The following LIAT1 variants were observed in gnomAD, a reference collection of about 807,000 sequenced individuals.
LIAT1 encodes protein LIAT1.
At chr17:412,139 GC>G in the LIAT1 span, among the ~76,000 whole-genome samples, 1 of 152,224 alleles carries the variant, frequency 6.6e-6, no homozygotes, top group Non-Finnish European at 1.5e-5. Flanking sequence ...TTCAAGACCA[GC>G]CTGGCCAACA....
At chr17:413,546 T>A in the LIAT1 span, 10 of 1,389,790 alleles carry the variant, frequency 7.2e-6, no homozygotes, top group Non-Finnish European at 9.6e-6. Context: ...CCTCAAGGGC[T>A]TCCACCCCGA....
the LIAT1 span, among the ~76,000 whole-genome samples, chr17:410,868 C>T: frequency 1.3e-5 from 2 of 152,146 alleles, no homozygotes; most frequent in African/African-American, 2.4e-5. Flanking sequence ...ACACAGAGAC[C>T]CCTACAGATA....
chr17:410,449 G>A, the LIAT1 span: 9 of 1,539,722 alleles, frequency 5.8e-6, no homozygotes, highest in South Asian at 1.2e-5. Flanking sequence ...CCCAGCGGGC[G>A]GCTGGACCGC....
the LIAT1 span, among the ~76,000 whole-genome samples, chr17:412,539 G>A: frequency 6.6e-6 from 1 of 151,930 alleles, no homozygotes; most frequent in Admixed American, 6.6e-5. Context: ...AGCATTTTAT[G>A]TGCATGTTAA....
chr17:414,155 C>G, the LIAT1 span: 3 of 1,587,524 alleles, frequency 1.9e-6, no homozygotes, highest in Non-Finnish European at 2.6e-6. The surrounding 1 kb of genome is among the most constrained non-coding windows in gnomAD (Gnocchi z 4.1). Context: ...AATTCCTCCT[C>G]ACCACAAGTT....
chr17:410,761 A>C, the LIAT1 span: 1 of 961,716 alleles, frequency 1.0e-6, no homozygotes, highest in Non-Finnish European at 1.5e-6. Context: ...TCCCGGACCG[A>C]GGTCCTCCTG....
chr17:410,964 C>T, the LIAT1 span, among the ~76,000 whole-genome samples: 1 of 152,162 alleles, frequency 6.6e-6, no homozygotes, highest in African/African-American at 2.4e-5. Context: ...CAGTCTTAAA[C>T]GTCTGCGCCT....
chr17:413,200 T>G, the LIAT1 span: 1 of 1,614,190 alleles, frequency 6.2e-7, no homozygotes, highest in Non-Finnish European at 8.5e-7. Flanking sequence ...CCTCCTTTCA[T>G]GACATCTTAA....
chr17:411,942 C>T, the LIAT1 span, among the ~76,000 whole-genome samples: 1 of 152,292 alleles, frequency 6.6e-6, no homozygotes, highest in South Asian at 2.1e-4. Context: ...GAGCTGGCAC[C>T]AAGGCAAGCA....
the LIAT1 span, chr17:413,374 T>G: frequency 6.2e-7 from 1 of 1,614,280 alleles, no homozygotes; most frequent in Non-Finnish European, 8.5e-7. Flanking sequence ...GAATTCTTGC[T>G]GACCCGGAGG....
the LIAT1 span, among the ~76,000 whole-genome samples, chr17:411,006 T>C: frequency 6.6e-6 from 1 of 152,010 alleles, no homozygotes; most frequent in Non-Finnish European, 1.5e-5. Context: ...CAAGACACTT[T>C]CCCCACCCCA....
At chr17:414,241 A>C in the LIAT1 span, 1 of 1,207,796 alleles carries the variant, frequency 8.3e-7, no homozygotes, top group Non-Finnish European at 1.2e-6. This position sits in a 1 kb window ranked among gnomAD's most constrained non-coding sequence, Gnocchi z 4.1. Context: ...TACACGGACG[A>C]CGCCGACTCT....
chr17:414,027 C>T, the LIAT1 span: 1 of 1,614,244 alleles, frequency 6.2e-7, no homozygotes, highest in African/African-American at 1.3e-5. The surrounding 1 kb of genome is among the most constrained non-coding windows in gnomAD (Gnocchi z 4.1). Context: ...CAGCCCACGT[C>T]GAAAGCCGAG....
chr17:413,005 G>C, the LIAT1 span: 18 of 833,076 alleles, frequency 2.2e-5, no homozygotes, highest in Non-Finnish European at 3.4e-5. Flanking sequence ...AGGTGGGCAC[G>C]AGGCTGGTGG....
chr17:410,725 T>A, the LIAT1 span: 2 of 1,366,610 alleles, frequency 1.5e-6, no homozygotes, highest in East Asian at 2.5e-5. Flanking sequence ...CATTTACCCT[T>A]CAGACCGGAA....
the LIAT1 span, chr17:413,426 A>G: frequency 6.2e-7 from 1 of 1,614,200 alleles, no homozygotes; most frequent in African/African-American, 1.3e-5. Flanking sequence ...GAATCGGAGA[A>G]AACGGTACCG....
At chr17:413,391 A>G in the LIAT1 span, 1 of 1,614,270 alleles carries the variant, frequency 6.2e-7, no homozygotes, top group Non-Finnish European at 8.5e-7. Flanking sequence ...GAGGCAGAGA[A>G]GGAAAGGATT....
At chr17:413,516 T>G in the LIAT1 span, 2 of 1,431,766 alleles carry the variant, frequency 1.4e-6, no homozygotes, top group East Asian at 2.7e-5. Context: ...CCTCAAGGGC[T>G]TCCACCCCGA....
chr17:413,291 A>G, the LIAT1 span: 2 of 1,614,070 alleles, frequency 1.2e-6, no homozygotes, highest in Non-Finnish European at 1.7e-6. Flanking sequence ...TGACTCCTCC[A>G]CCGTCAGCCT....
Sources: gnomAD v4.1 joint callset for allele counts (sites outside exome capture counted in the v4.1 genomes callset) on GRCh38, gnomAD v4.1.1 for gene constraint, Gnocchi (gnomAD v3.1) non-coding constraint, MANE v1.5 for transcripts, NCBI Gene and HGNC (gene_info 2026-07-23, HGNC 2026-07-21) for gene names.